The following SLC36A1 variants were observed in gnomAD, a reference collection of about 807,000 sequenced individuals.
SLC36A1 encodes the protein solute carrier family 36 member 1, also known as proton-coupled amino acid transporter 1.
A neutral mutation model predicts 47.5 loss-of-function variants in SLC36A1; 30 were observed. The observed-to-expected ratio is 0.63, with a 90% CI of 0.47 to 0.86. SLC36A1 has a LOEUF of 0.86. SLC36A1 is among the 40% of genes least tolerant of loss of function. The probability of loss-of-function intolerance (pLI) is 0.00; values close to 1 mark genes in which losing one functional copy is unlikely to be tolerated. For synonymous variants in SLC36A1, 255 were observed against 249.7 expected, an observed-to-expected ratio of 1.02 and a Z score of -0.20; for missense variants, 517 against 606.0, an observed-to-expected ratio of 0.85 and a Z score of 1.54.
At chr5:151,368,845 A>G in the SLC36A1 span, among the ~76,000 whole-genome samples, 3 of 152,202 alleles carry the variant, frequency 2.0e-5, no homozygotes, top group Admixed American at 1.3e-4. Flanking sequence ...GTCCCCTTGA[A>G]CAAAGGCAGA....
the SLC36A1 span, among the ~76,000 whole-genome samples, chr5:151,411,200 G>A: frequency 1.3e-4 from 19 of 144,852 alleles, 3 homozygotes; most frequent in Admixed American, 1.3e-3. Flanking sequence ...CATGGTGGGT[G>A]TCAGGAGGAA....
At chr5:151,474,183 A>AAAAAAAAAAAAAAAAAAATTTTCTTT (rs1561770143) in intron 8 of SLC36A1, among the ~76,000 whole-genome samples, 1 of 145,372 alleles carries the variant, frequency 6.9e-6, no homozygotes, top group African/African-American at 2.8e-5. Context: ...AAAAAAAGAA[A>AAAAAAAAAAAAAAAAAAATTTTCTTT]TTATCTTCTG....
chr5:151,475,370 A>T (rs533880762), intron 8 of SLC36A1, among the ~76,000 whole-genome samples: 22 of 152,262 alleles, frequency 1.4e-4, no homozygotes, highest in Non-Finnish European at 2.9e-4. Context: ...ACACAAAGTT[A>T]TTCTGCAAAC....
At chr5:151,347,242 A>C in the SLC36A1 span, 36 of 1,609,200 alleles carry the variant, frequency 2.2e-5, no homozygotes, top group Middle Eastern at 6.6e-4. Context: ...GGTTTTTGCC[A>C]ATGCAAGCTT....
At chr5:151,398,562 C>G in the SLC36A1 span, among the ~76,000 whole-genome samples, 1 of 152,188 alleles carries the variant, frequency 6.6e-6, no homozygotes, top group Non-Finnish European at 1.5e-5. Flanking sequence ...AGATGGTTGT[C>G]TAGAAAAAGC....
In SLC36A1 at chr5:151,488,347, G is replaced by A. The variant is rs1759837541; in HGVS notation, c.*93G>A. 6.7e-7 allele frequency: 1 copy of A among 1,482,748 alleles called. No homozygotes were observed. The highest frequency in any genetic ancestry group is 9.1e-7 in the Non-Finnish European group (1 of 1,100,644). The allele number at this position is 1,482,748 out of a possible 1,614,324, so 91.8% of individuals were successfully genotyped here. A position where few individuals can be genotyped will look rare whatever the true frequency, so the allele number is the denominator to read the frequency against. On this transcript the variant is annotated 3_prime_UTR_variant, in exon 11 of 11. Coordinates refer to ENST00000243389, the MANE Select transcript of SLC36A1 (RefSeq NM_078483.4). ...CCTCAGGTATGGTCCAGGCTCTGAGGAAAGTCAGGGTTGCTGTGTGGGAAC... is the reference window on the plus strand; with the variant it reads ...CCTCAGGTATGGTCCAGGCTCTGAGAAAAGTCAGGGTTGCTGTGTGGGAAC...
chr5:151,443,216 T>C (rs1284642854), upstream of SLC36A1, among the ~76,000 whole-genome samples: 1 of 152,114 alleles, frequency 6.6e-6, no homozygotes, highest in Non-Finnish European at 1.5e-5. Flanking sequence ...ACCTTTATAC[T>C]GTTTTTTTTA....
At chr5:151,436,047 A>G (rs1561707800), upstream of SLC36A1, among the ~76,000 whole-genome samples, 1 of 151,882 alleles carries the variant, frequency 6.6e-6, no homozygotes, top group Non-Finnish European at 1.5e-5. Context: ...AGCACCTACT[A>G]TGTAATAGGC....
chr5:151,499,377 C>T, the SLC36A1 span, among the ~76,000 whole-genome samples: 1 of 152,216 alleles, frequency 6.6e-6, no homozygotes, highest in Non-Finnish European at 1.5e-5. Context: ...AGCAGGCTGG[C>T]ATTGCACCAG....
intron 6 of SLC36A1, 36 bp downstream of exon 6, chr5:151,467,319 AACC>A (rs1561756298): frequency 1.5e-6 from 2 of 1,296,896 alleles, no homozygotes; most frequent in Non-Finnish European, 1.1e-6. Flanking sequence ...AAAAAAAAAA[AACC>A]AGAGCGAGAA....
chr5:151,351,044 A>G, the SLC36A1 span, among the ~76,000 whole-genome samples: 1 of 152,190 alleles, frequency 6.6e-6, no homozygotes, highest in Non-Finnish European at 1.5e-5. Flanking sequence ...ACTGTAAAAT[A>G]CTAATGAGTG....
At chr5:151,465,930 A>G (rs143313503) in intron 5 of SLC36A1, among the ~76,000 whole-genome samples, 9 of 136,690 alleles carry the variant, frequency 6.6e-5, no homozygotes, top group Non-Finnish European at 1.4e-4. Flanking sequence ...GATACTATCA[A>G]GGGCTAAAAA....
At chr5:151,473,212 AGATAGATAGAT>A (rs1334145804) in intron 7 of SLC36A1, among the ~76,000 whole-genome samples, 45 of 151,128 alleles carry the variant, frequency 3.0e-4, no homozygotes, top group Admixed American at 4.6e-4. Context: ...ATAGATAGAT[AGATAGATAGAT>A]AGAATATATA....
chr5:151,401,172 A>C, the SLC36A1 span, among the ~76,000 whole-genome samples: 2 of 152,266 alleles, frequency 1.3e-5, no homozygotes, highest in Non-Finnish European at 2.9e-5. Context: ...TAAAGCTTTA[A>C]TCCATCTGGA....
At chr5:151,468,508 T>G (rs1167864410) in intron 7 of SLC36A1, among the ~76,000 whole-genome samples, 2 of 150,416 alleles carry the variant, frequency 1.3e-5, no homozygotes, top group South Asian at 2.1e-4. Context: ...ATGTCTAGAT[T>G]AGAGGTTCTG....
chr5:151,480,351 C>T (rs2127534279), intron 10 of SLC36A1, among the ~76,000 whole-genome samples: 1 of 152,162 alleles, frequency 6.6e-6, no homozygotes, highest in East Asian at 1.9e-4. Context: ...GTTGAGACTT[C>T]CCTGAGAATT....
At chr5:151,467,998 G>A (rs1756700934) in intron 7 of SLC36A1, 73 bp downstream of exon 7, 1 of 1,261,886 alleles carries the variant, frequency 7.9e-7, no homozygotes, top group Non-Finnish European at 1.1e-6. Flanking sequence ...GCTCATGCCT[G>A]TAATCCCAGC....
the SLC36A1 span, among the ~76,000 whole-genome samples, chr5:151,384,166 G>A: frequency 6.6e-6 from 1 of 152,042 alleles, no homozygotes; most frequent in Admixed American, 6.6e-5. Flanking sequence ...TTGCACCCTA[G>A]ATTGGGCATC....
At chr5:151,435,853 T>TAGAA (rs10646672), upstream of SLC36A1, among the ~76,000 whole-genome samples, 71,762 of 151,152 alleles carry the variant, frequency 0.47, 18,007 homozygotes, top group African/African-American at 0.65. Flanking sequence ...ATACAATAAA[T>TAGAA]AGAATAATTT....
Sources: allele counts gnomAD v4.1 joint callset (sites outside exome capture counted in the v4.1 genomes callset), GRCh38; gene constraint gnomAD v4.1.1; transcripts MANE v1.5; gene names NCBI Gene and HGNC (gene_info 2026-07-23, HGNC 2026-07-21).